The following CTNNA3 variants were observed in gnomAD, a reference collection of about 807,000 sequenced individuals.
The protein encoded by CTNNA3 is catenin alpha 3.
Under a neutral mutation model 95.7 loss-of-function variants are expected in CTNNA3, and 76 were observed. The observed-to-expected ratio is 0.79, with a 90% CI of 0.66 to 0.96. CTNNA3 has a LOEUF of 0.96. Among genes scored for constraint, CTNNA3 ranks in the 40% least tolerant of loss-of-function variants. CTNNA3 has a pLI of 0.00. For synonymous variants in CTNNA3, 431 were observed against 374.4 expected, an observed-to-expected ratio of 1.15 and a Z score of -1.74; for missense variants, 1,191 against 1,089.8, an observed-to-expected ratio of 1.09 and a Z score of -1.31.
chr10:66,641,523 A>G (rs2132380212), intron 9 of CTNNA3, among the ~76,000 whole-genome samples: 1 of 152,264 alleles, frequency 6.6e-6, no homozygotes, highest in Admixed American at 6.5e-5. Context: ...ATTATGCACC[A>G]TTAGATGACA....
At chr10:66,154,193 T>A (rs1185415120) in intron 13 of CTNNA3, among the ~76,000 whole-genome samples, 1 of 151,902 alleles carries the variant, frequency 6.6e-6, no homozygotes, top group African/African-American at 2.4e-5. Context: ...TTGGTTTATT[T>A]CTGGTACTTA....
At chr10:66,500,093 A>G (rs151134833) in intron 11 of CTNNA3, among the ~76,000 whole-genome samples, 1,574 of 151,996 alleles carry the variant, frequency 0.01, 28 homozygotes, top group African/African-American at 0.037. Flanking sequence ...GAGCCACTGC[A>G]CCCGGCCAAT....
intron 12 of CTNNA3, among the ~76,000 whole-genome samples, chr10:66,294,285 T>C (rs2091738884): frequency 6.6e-6 from 1 of 152,132 alleles, no homozygotes; most frequent in Non-Finnish European, 1.5e-5. Context: ...ACAGTGGTTT[T>C]CAACTCTGTT....
intron 7 of CTNNA3, among the ~76,000 whole-genome samples, chr10:67,005,026 A>C (rs1178778841): frequency 2.6e-5 from 4 of 152,224 alleles, no homozygotes; most frequent in African/African-American, 4.8e-5. Flanking sequence ...TCATAGAGAT[A>C]ATCACAAAAA....
intron 15 of CTNNA3, among the ~76,000 whole-genome samples, chr10:65,991,104 G>A (rs1189568269): frequency 6.6e-6 from 1 of 151,478 alleles, no homozygotes; most frequent in Non-Finnish European, 1.5e-5. Context: ...TTCTTTATTG[G>A]TTCATGTGTC....
At chr10:65,991,845 T>C (rs1195559860) in intron 15 of CTNNA3, among the ~76,000 whole-genome samples, 2 of 152,122 alleles carry the variant, frequency 1.3e-5, no homozygotes, top group Admixed American at 1.3e-4. Flanking sequence ...ATAGAAAGGC[T>C]TTCAGCTTTG....
chr10:66,042,898 TCAAA>T (rs1164790045), intron 15 of CTNNA3, among the ~76,000 whole-genome samples: 2 of 14,052 alleles, frequency 1.4e-4, no homozygotes, highest in Non-Finnish European at 2.3e-4. Flanking sequence ...AGACTCTGTC[TCAAA>T]AAAAAAAAAA....
At chr10:67,191,225 T>C (rs529780879) in intron 6 of CTNNA3, among the ~76,000 whole-genome samples, 4 of 152,128 alleles carry the variant, frequency 2.6e-5, no homozygotes, top group African/African-American at 9.6e-5. Flanking sequence ...CCATTTCCAC[T>C]TAATATATTC....
At chr10:66,703,617 T>TA (rs35391512) in intron 9 of CTNNA3, among the ~76,000 whole-genome samples, 3,519 of 152,258 alleles carry the variant, frequency 0.023, 177 homozygotes, top group East Asian at 0.22. Context: ...TTTGTTAACA[T>TA]AATAGTGGAC....
chr10:67,113,485 T>C (rs1334090016), intron 7 of CTNNA3, among the ~76,000 whole-genome samples: 2 of 152,198 alleles, frequency 1.3e-5, no homozygotes, highest in South Asian at 2.1e-4. Flanking sequence ...GGAGATAACA[T>C]TTCAAGACTT....
At chr10:66,199,892 T>C (rs2131912685) in intron 13 of CTNNA3, among the ~76,000 whole-genome samples, 1 of 140,120 alleles carries the variant, frequency 7.1e-6, no homozygotes, top group South Asian at 2.3e-4. Context: ...GACCTCATGA[T>C]CTGCCCACCT....
At chr10:67,007,929 A>C (rs1852101140) in intron 7 of CTNNA3, among the ~76,000 whole-genome samples, 5 of 152,074 alleles carry the variant, frequency 3.3e-5, no homozygotes, top group Admixed American at 3.3e-4. Context: ...TAGGAACTGA[A>C]GATCAGTTTT....
intron 7 of CTNNA3, among the ~76,000 whole-genome samples, chr10:66,974,993 A>C (rs1204810919): frequency 2.0e-5 from 3 of 152,184 alleles, no homozygotes; most frequent in Admixed American, 6.5e-5. Flanking sequence ...ATTCTGAAAC[A>C]ATAGGCCTGG....
chr10:66,016,917 A>C (rs1204747677), intron 15 of CTNNA3, among the ~76,000 whole-genome samples: 2 of 152,208 alleles, frequency 1.3e-5, no homozygotes, highest in African/African-American at 4.8e-5. Context: ...GCATTAGTAT[A>C]ACCTCTAACC....
intron 15 of CTNNA3, among the ~76,000 whole-genome samples, chr10:66,048,903 C>T (rs2133527922): frequency 6.6e-6 from 1 of 152,112 alleles, no homozygotes; most frequent in South Asian, 2.1e-4. Context: ...ATGAAGACAC[C>T]AAAAGCAATT....
At chr10:67,271,400 C>T (rs34706267) in intron 5 of CTNNA3, among the ~76,000 whole-genome samples, 119 of 152,152 alleles carry the variant, frequency 7.8e-4, no homozygotes, top group Non-Finnish European at 1.4e-3. Flanking sequence ...TCTGTCCTGC[C>T]GCCCTGTGAA....
In CTNNA3 at chr10:66,295,267, C is replaced by A. The variant is rs1438154482; in HGVS notation, c.1733-14646G>T. Among the ~76,000 whole-genome samples the A allele has an allele frequency of 2.6e-5, 4 of 152,144 alleles. No homozygotes were observed. In the South Asian group the frequency reaches 8.3e-4, roughly 32 times the overall value. On this transcript the variant is annotated intron_variant, in intron 12 of 17. Transcript: ENST00000433211. ...AATTTGTTAATGAAACTGCATTTAT[C>A]TAATGCACTATAAGAGCAATATCTT... is the stretch of plus-strand genomic sequence containing the variant.
At chr10:66,385,413 G>C (rs1025923237) in intron 11 of CTNNA3, among the ~76,000 whole-genome samples, 3 of 152,086 alleles carry the variant, frequency 2.0e-5, no homozygotes, top group Non-Finnish European at 2.9e-5. Flanking sequence ...TCTCTGAATA[G>C]ATCAATAACA....
rs542535895 is a variant in CTNNA3 at position 66,789,300 on chromosome 10, G to A, written c.1048-13776C>T. The stretch of plus-strand genomic sequence containing the variant: ...CAAGTGCTTCTCCTGACAGCCTCCC[G>A]AGTAGCTGGGATTACAGGCATGCAT... On this transcript the variant is annotated intron_variant, in intron 7 of 17. Coordinates refer to ENST00000433211, the MANE Select transcript of CTNNA3 (RefSeq NM_013266.4). Among the ~76,000 whole-genome samples the A allele has an allele frequency of 2.7e-4, 41 of 152,000 alleles. No homozygotes were observed. The South Asian group carries it at 5.4e-3, about 20-fold the overall frequency.
Sources: gnomAD v4.1 joint callset for allele counts (sites outside exome capture counted in the v4.1 genomes callset) on GRCh38, gnomAD v4.1.1 for gene constraint, MANE v1.5 for transcripts, NCBI Gene and HGNC (gene_info 2026-07-23, HGNC 2026-07-21) for gene names.